Variants in TNIK observed in about 807,000 individuals in gnomAD.
TNIK encodes TRAF2 and NCK interacting kinase.
In TNIK, 49 loss-of-function variants were observed where a neutral mutation model predicts 191.3. That is an observed-to-expected ratio of 0.26 (90% CI 0.20 to 0.32). TNIK has a LOEUF of 0.32. Among genes scored for constraint, TNIK ranks in the 10% least tolerant of loss-of-function variants. The pLI is 1.00. For synonymous variants in TNIK, 594 were observed against 600.9 expected (o/e 0.99, Z 0.17); for missense variants, 1,155 against 1,702.3 (o/e 0.68, Z 5.66).
At chr3:171,261,103 G>C (rs1328237987) in intron 2 of TNIK, among the ~76,000 whole-genome samples, 1 of 152,128 alleles carries the variant, frequency 6.6e-6, no homozygotes, top group African/African-American at 2.4e-5. Flanking sequence ...CTGTGTGGAA[G>C]GATTGAGGTC....
At chr3:171,145,260 G>T (rs2108654587) in intron 12 of TNIK, among the ~76,000 whole-genome samples, 1 of 152,062 alleles carries the variant, frequency 6.6e-6, no homozygotes, top group African/African-American at 2.4e-5. Context: ...CTAATTTTTT[G>T]GATTTTTAGT....
intron 1 of TNIK, among the ~76,000 whole-genome samples, chr3:171,429,321 C>T (rs893135097): frequency 5.3e-5 from 8 of 152,182 alleles, no homozygotes; most frequent in African/African-American, 1.9e-4. Flanking sequence ...TACAATGCCA[C>T]CAGCTTAATT....
intron 3 of TNIK, among the ~76,000 whole-genome samples, chr3:171,225,359 T>C (rs1466205164): frequency 6.6e-6 from 1 of 152,214 alleles, no homozygotes; most frequent in Admixed American, 6.5e-5. Context: ...TGTGCATCCA[T>C]GTTTGCCTTC....
intron 2 of TNIK, among the ~76,000 whole-genome samples, chr3:171,297,630 C>T (rs1263078582): frequency 1.3e-5 from 2 of 150,644 alleles, no homozygotes; most frequent in Non-Finnish European, 3.0e-5. Context: ...AATTTGGAGA[C>T]AGTTTTCCTC....
chr3:171,197,573 C>G (rs561769692), intron 4 of TNIK, among the ~76,000 whole-genome samples: 2 of 152,048 alleles, frequency 1.3e-5, no homozygotes, highest in East Asian at 3.9e-4. Flanking sequence ...GACAAGCAAC[C>G]CAATTTAAAA....
In TNIK at chr3:171,317,947, T is replaced by C. The variant is rs138507979; in HGVS notation, c.123+51673A>G. The stretch of plus-strand genomic sequence containing the variant: ...TACCTTTCCCATGGGACAGTAACCA[T>C]CCTAAGGAAAGGAAACGTGTGTGCT... On this transcript the variant is annotated intron_variant, in intron 2 of 32. Transcript: ENST00000436636. Among the ~76,000 whole-genome samples the C allele has an allele frequency of 2.9e-3, 439 of 152,242 alleles. 3 individuals are homozygous for C. Among genetic ancestry groups the C allele is most frequent in the African/African-American group, 9.8e-3 (408 of 41,552 alleles).
chr3:171,354,661 C>G (rs1713751295), intron 2 of TNIK, among the ~76,000 whole-genome samples: 1 of 152,202 alleles, frequency 6.6e-6, no homozygotes, highest in African/African-American at 2.4e-5. Flanking sequence ...TAAGGAGTTT[C>G]TTCAACACTG....
chr3:171,075,607 T>C (rs760303898), intron 28 of TNIK, among the ~76,000 whole-genome samples: 1 of 152,106 alleles, frequency 6.6e-6, no homozygotes, highest in Non-Finnish European at 1.5e-5. Context: ...CATTCCTTTT[T>C]AAAAAAACAA....
intron 1 of TNIK, among the ~76,000 whole-genome samples, chr3:171,449,485 A>G (rs1727920036): frequency 6.6e-6 from 1 of 152,222 alleles, no homozygotes; most frequent in African/African-American, 2.4e-5. Flanking sequence ...TATGCCATAG[A>G]AAAAGATTAA....
At chr3:171,248,481 GA>G (rs1745861388) in intron 2 of TNIK, among the ~76,000 whole-genome samples, 1 of 152,202 alleles carries the variant, frequency 6.6e-6, no homozygotes, top group Non-Finnish European at 1.5e-5. Context: ...GGCTAAAAAT[GA>G]TTAAACTAAG....
At chr3:171,240,569 G>A (rs9844004) in intron 2 of TNIK, among the ~76,000 whole-genome samples, 3 of 151,848 alleles carry the variant, frequency 2.0e-5, no homozygotes, top group South Asian at 2.1e-4. Context: ...CCCAGTCCCC[G>A]ACTCGCCCAC....
chr3:171,339,017 GTCTT>G (rs566938256), intron 2 of TNIK, among the ~76,000 whole-genome samples: 51 of 152,228 alleles, frequency 3.4e-4, no homozygotes, highest in Middle Eastern at 3.4e-3. Flanking sequence ...CATGATGTTC[GTCTT>G]TCTTTTCTCC....
chr3:171,447,222 C>T (rs1017498879), intron 1 of TNIK, among the ~76,000 whole-genome samples: 2 of 151,272 alleles, frequency 1.3e-5, no homozygotes, highest in African/African-American at 4.9e-5. Context: ...AATAAACAAA[C>T]AAACATCCCC....
At chr3:171,420,553 T>A (rs567991878) in intron 1 of TNIK, among the ~76,000 whole-genome samples, 2 of 152,312 alleles carry the variant, frequency 1.3e-5, no homozygotes, top group East Asian at 3.9e-4. Flanking sequence ...AGAGAATATG[T>A]GGATGCCTGA....
chr3:171,142,866 A>C (rs550316519), intron 12 of TNIK, among the ~76,000 whole-genome samples: 1 of 152,340 alleles, frequency 6.6e-6, no homozygotes, highest in East Asian at 1.9e-4. Flanking sequence ...TTCTTACTCC[A>C]ACCATCCGTC....
intron 3 of TNIK, among the ~76,000 whole-genome samples, chr3:171,215,176 G>A (rs546050396): frequency 6.6e-6 from 1 of 152,034 alleles, no homozygotes; most frequent in Admixed American, 6.6e-5. Flanking sequence ...TGAGAAACCG[G>A]GATTGACCTT....
intron 22 of TNIK, among the ~76,000 whole-genome samples, chr3:171,099,511 C>A (rs1321961530): frequency 6.6e-6 from 1 of 152,048 alleles, no homozygotes; most frequent in Non-Finnish European, 1.5e-5. Flanking sequence ...GTATTCCAGA[C>A]ACCATGGAAC....
chr3:171,116,804 G>C (rs2108529441), intron 18 of TNIK, among the ~76,000 whole-genome samples: 1 of 152,334 alleles, frequency 6.6e-6, no homozygotes, highest in South Asian at 2.1e-4. Context: ...GAAAGTACCT[G>C]ATTTTTAAAA....
chr3:171,187,225 T>C (rs906338050), intron 7 of TNIK, among the ~76,000 whole-genome samples: 2 of 152,190 alleles, frequency 1.3e-5, no homozygotes, highest in Non-Finnish European at 2.9e-5. Flanking sequence ...GGGATGTATA[T>C]TTTGTAGTGG....
Sources: gnomAD v4.1 joint callset for allele counts (sites outside exome capture counted in the v4.1 genomes callset) on GRCh38, gnomAD v4.1.1 for gene constraint, MANE v1.5 for transcripts, NCBI Gene and HGNC (gene_info 2026-07-23, HGNC 2026-07-21) for gene names.